MINDY3: variants seen among roughly 807,000 people sequenced by gnomAD.
MINDY3 encodes ubiquitin carboxyl-terminal hydrolase MINDY-3.
MINDY3 carries 38 observed loss-of-function variants against 69.2 expected under a neutral mutation model. The observed-to-expected ratio is 0.55, with a 90% confidence interval of 0.42 to 0.72. The LOEUF (loss-of-function observed/expected upper bound fraction) is 0.72. Ranked by LOEUF, MINDY3 falls within the 30% of genes least tolerant of loss-of-function variation. The pLI is 0.00. For missense variants in MINDY3, 522 were observed against 519.0 expected (o/e 1.01, Z -0.06); for synonymous variants, 192 against 180.1 (o/e 1.07, Z -0.53).
At chr10:15,782,747 G>A (rs1210137725) in intron 13 of MINDY3, among the ~76,000 whole-genome samples, 1 of 152,100 alleles carries the variant, frequency 6.6e-6, no homozygotes, top group Non-Finnish European at 1.5e-5. Context: ...AGTGAAAAGA[G>A]CACTGTGAGA....
At chr10:15,802,110 G>C (rs1406575762) in intron 10 of MINDY3, among the ~76,000 whole-genome samples, 1 of 151,668 alleles carries the variant, frequency 6.6e-6, no homozygotes, top group Non-Finnish European at 1.5e-5. Context: ...GTTACGGTAA[G>C]GCTTCCAGCC....
In MINDY3 at chr10:15,782,168, T is replaced by C; in HGVS notation, c.1175A>G (p.Asn392Ser). The change falls in exon 14 of 15, where the codon AAT (asparagine) becomes AGT (serine). Residue 392 changes from asparagine (N) to serine (S), a missense_variant. Physicochemically the swap from Asn to Ser is conservative, Grantham distance 46. Coordinates refer to ENST00000277632, the MANE Select transcript of MINDY3 (RefSeq NM_024948.4). ...VYHYNGLKQS[N>S]YNEKVMYVEG... ...GAATTATCATACCTTTTCATTATAA[T>C]TTGACTGCTTCAATCCATTGTAGTG... 1 of 1,609,802 alleles carries C rather than the reference T, an allele frequency of 6.2e-7. No individual in the cohort carries two copies. Among genetic ancestry groups the C allele is most frequent in the South Asian group, 1.1e-5 (1 of 90,726 alleles).
At chr10:15,797,851 T>C (rs570949940) in intron 10 of MINDY3, among the ~76,000 whole-genome samples, 2 of 152,280 alleles carry the variant, frequency 1.3e-5, no homozygotes, top group South Asian at 4.1e-4. Context: ...CAAACCTTAG[T>C]TGCAGATTTC....
intron 1 of MINDY3, among the ~76,000 whole-genome samples, chr10:15,858,583 T>C (rs977869074): frequency 1.3e-5 from 2 of 152,226 alleles, no homozygotes; most frequent in Non-Finnish European, 2.9e-5. Context: ...AGGTCTATTA[T>C]CTGTACTTTA....
At chr10:15,805,639 A>G (rs995438108) in intron 10 of MINDY3, among the ~76,000 whole-genome samples, 6 of 152,154 alleles carry the variant, frequency 3.9e-5, no homozygotes, top group Admixed American at 3.9e-4. Context: ...AAATGGGCCT[A>G]CTTCCTTGCC....
At chr10:15,789,967 T>G (rs972864639) in intron 11 of MINDY3, among the ~76,000 whole-genome samples, 1 of 152,156 alleles carries the variant, frequency 6.6e-6, no homozygotes, top group South Asian at 2.1e-4. Context: ...GTGGGGTAGT[T>G]TGAAATGAGA....
chr10:15,800,039 A>C (rs1008112567), intron 10 of MINDY3, among the ~76,000 whole-genome samples: 14 of 152,170 alleles, frequency 9.2e-5, no homozygotes, highest in African/African-American at 3.4e-4. Context: ...TATGAACTGC[A>C]TGGGTCCACT....
intron 11 of MINDY3, among the ~76,000 whole-genome samples, chr10:15,795,770 T>C (rs1191604982): frequency 6.6e-6 from 1 of 152,048 alleles, no homozygotes. Context: ...GTTTATTTAA[T>C]ATTCGTTTGG....
intron 9 of MINDY3, among the ~76,000 whole-genome samples, chr10:15,818,852 T>TA (rs1157614619): frequency 6.6e-5 from 10 of 152,148 alleles, no homozygotes; most frequent in Middle Eastern, 3.2e-3. Context: ...ATGGGACTGC[T>TA]AATGGGTTTA....
intron 11 of MINDY3, among the ~76,000 whole-genome samples, chr10:15,789,901 T>C (rs1250734878): frequency 6.6e-6 from 1 of 152,144 alleles, no homozygotes; most frequent in Non-Finnish European, 1.5e-5. Flanking sequence ...GACTACTTTA[T>C]GGAAAATGGT....
chr10:15,817,161 C>T (rs917836428), intron 9 of MINDY3: 1 of 380,622 alleles, frequency 2.6e-6, no homozygotes, highest in African/African-American at 2.1e-5. Flanking sequence ...TTTAACACAG[C>T]TGGAGATAAC....
chr10:15,786,798 G>C, intron 12 of MINDY3, 150 bp from the exon 13 acceptor site: 1 of 595,778 alleles, frequency 1.7e-6, no homozygotes, highest in Middle Eastern at 2.8e-4. Flanking sequence ...AAATACACAG[G>C]AATGACATCT....
At chr10:15,782,049 G>A in intron 14 of MINDY3, 106 bp downstream of exon 14, 3 of 821,596 alleles carry the variant, frequency 3.7e-6, no homozygotes, top group Non-Finnish European at 6.0e-6. Flanking sequence ...AGAGACTCCT[G>A]GAATAATCTT....
chr10:15,848,744 T>C (rs558494620), intron 1 of MINDY3, among the ~76,000 whole-genome samples: 14 of 151,708 alleles, frequency 9.2e-5, no homozygotes, highest in East Asian at 3.9e-4. Context: ...CCAACCAGCA[T>C]TGACTGATAG....
intron 10 of MINDY3, among the ~76,000 whole-genome samples, chr10:15,809,302 A>G (rs1458635361): frequency 2.0e-5 from 3 of 152,224 alleles, no homozygotes; most frequent in Admixed American, 2.0e-4. Flanking sequence ...AATGTTACAC[A>G]GCCTTCATCT....
chr10:15,779,828 A>G (rs1245962142), intron 14 of MINDY3, among the ~76,000 whole-genome samples: 1 of 152,220 alleles, frequency 6.6e-6, no homozygotes, highest in Non-Finnish European at 1.5e-5. Flanking sequence ...GGCAGTGATC[A>G]CAGAAATATA....
At chr10:15,856,856 T>C (rs1299292146) in intron 1 of MINDY3, among the ~76,000 whole-genome samples, 1 of 152,222 alleles carries the variant, frequency 6.6e-6, no homozygotes, top group African/African-American at 2.4e-5. Context: ...TGTCCGCTTC[T>C]TACCATCTCC....
intron 10 of MINDY3, among the ~76,000 whole-genome samples, chr10:15,807,675 A>G (rs1398567198): frequency 6.6e-6 from 1 of 152,170 alleles, no homozygotes; most frequent in African/African-American, 2.4e-5. Context: ...CCCTTCCATC[A>G]GTATTTTATC....
At chr10:15,848,041 C>A (rs1365321457) in intron 1 of MINDY3, 98 bp from the exon 2 acceptor site, 3 of 923,454 alleles carry the variant, frequency 3.2e-6, no homozygotes, top group East Asian at 5.0e-5. Flanking sequence ...TCACTTATCA[C>A]AACAGCAAAA....
Sources: allele counts gnomAD v4.1 joint callset (sites outside exome capture counted in the v4.1 genomes callset), GRCh38; gene constraint gnomAD v4.1.1; transcripts MANE v1.5; gene names NCBI Gene and HGNC (gene_info 2026-07-23, HGNC 2026-07-21).